Variants in GALNTL6 observed in about 807,000 individuals in gnomAD.
GALNTL6 encodes the protein polypeptide N-acetylgalactosaminyltransferase-like 6.
A neutral mutation model predicts 73.7 loss-of-function variants in GALNTL6; 46 were observed. The ratio of observed to expected loss-of-function variants is 0.62; its 90% CI spans 0.49 to 0.80. GALNTL6 has a LOEUF of 0.80. Among genes scored for constraint, GALNTL6 ranks in the 30% least tolerant of loss-of-function variants. The pLI is 0.00. For missense variants in GALNTL6, 604 were observed against 755.0 expected (o/e 0.80, Z 2.34); for synonymous variants, 259 against 263.7 (o/e 0.98, Z 0.17).
intron 3 of GALNTL6, among the ~76,000 whole-genome samples, chr4:172,253,299 A>G (rs1299098351): frequency 6.6e-6 from 1 of 151,976 alleles, no homozygotes. Flanking sequence ...TAAGCCTAAA[A>G]AGATGACTGG....
chr4:172,893,142 C>T (rs1218584505), intron 8 of GALNTL6, among the ~76,000 whole-genome samples: 1 of 152,192 alleles, frequency 6.6e-6, no homozygotes, highest in Non-Finnish European at 1.5e-5. Context: ...GTGGGCCTGA[C>T]CAGCTAGGCT....
intron 2 of GALNTL6, among the ~76,000 whole-genome samples, chr4:172,215,187 C>G (rs182673658): frequency 1.3e-5 from 2 of 151,938 alleles, no homozygotes; most frequent in East Asian, 3.9e-4. Context: ...GATGTAGTTA[C>G]TTTGGTGAAT....
At chr4:172,325,396 T>G (rs1740906610) in intron 4 of GALNTL6, among the ~76,000 whole-genome samples, 2 of 151,990 alleles carry the variant, frequency 1.3e-5, no homozygotes, top group Non-Finnish European at 2.9e-5. Flanking sequence ...GCTTCTCTCA[T>G]TCTCATTGAA....
chr4:172,433,700 A>AT (rs1554023654), intron 5 of GALNTL6, among the ~76,000 whole-genome samples: 1,485 of 145,810 alleles, frequency 0.01, 23 homozygotes, highest in African/African-American at 0.033. Context: ...TTGCCCAGTG[A>AT]TTTTTTTTTT....
At chr4:172,495,076 A>C (rs939016740) in intron 5 of GALNTL6, among the ~76,000 whole-genome samples, 2 of 152,174 alleles carry the variant, frequency 1.3e-5, no homozygotes, top group Non-Finnish European at 2.9e-5. Flanking sequence ...GAATTCAGGA[A>C]TCCTAGGAAA....
chr4:172,369,719 A>C (rs1203381254), intron 5 of GALNTL6, among the ~76,000 whole-genome samples: 2 of 152,160 alleles, frequency 1.3e-5, no homozygotes, highest in African/African-American at 4.8e-5. Context: ...CCAGGTGCTA[A>C]GCCCCTCACT....
intron 5 of GALNTL6, among the ~76,000 whole-genome samples, chr4:172,675,138 G>GTT (rs145012472): frequency 1.5e-4 from 23 of 149,750 alleles, no homozygotes; most frequent in Non-Finnish European, 2.2e-4. Flanking sequence ...CTGATCTTTA[G>GTT]TTTTTTTTTT....
chr4:172,168,282 T>G (rs1388612347), intron 2 of GALNTL6, among the ~76,000 whole-genome samples: 1 of 152,128 alleles, frequency 6.6e-6, no homozygotes, highest in African/African-American at 2.4e-5. Context: ...TTGTTTTGTT[T>G]TGTTTTGTTT....
chr4:172,985,482 A>G (rs373192728), intron 10 of GALNTL6, among the ~76,000 whole-genome samples: 41 of 152,224 alleles, frequency 2.7e-4, no homozygotes, highest in African/African-American at 8.2e-4. Flanking sequence ...CATCTTGCCT[A>G]TTGCCTAAAC....
At chr4:172,540,161 C>A (rs28578805) in intron 5 of GALNTL6, among the ~76,000 whole-genome samples, 6,321 of 151,528 alleles carry the variant, frequency 0.042, 416 homozygotes, top group African/African-American at 0.14. Flanking sequence ...AGTGATTCCC[C>A]TGCCTCAGCC....
chr4:172,972,330 G>C (rs1750619648), intron 10 of GALNTL6, among the ~76,000 whole-genome samples: 2 of 152,042 alleles, frequency 1.3e-5, no homozygotes, highest in Non-Finnish European at 2.9e-5. Flanking sequence ...AAGCATTTTT[G>C]GAATTTACTT....
At chr4:172,773,212 G>A (rs1477780619) in intron 5 of GALNTL6, among the ~76,000 whole-genome samples, 6 of 152,094 alleles carry the variant, frequency 3.9e-5, no homozygotes, top group Non-Finnish European at 5.9e-5. Context: ...AGTACTATTA[G>A]TTTAGAGATG....
chr4:172,344,446 C>G (rs897549773), intron 4 of GALNTL6, among the ~76,000 whole-genome samples: 2 of 152,120 alleles, frequency 1.3e-5, no homozygotes, highest in East Asian at 3.9e-4. Flanking sequence ...AGCTGGCTTT[C>G]CTTAGAGTGA....
intron 2 of GALNTL6, among the ~76,000 whole-genome samples, chr4:171,986,278 G>T (rs918436964): frequency 3.3e-5 from 5 of 151,850 alleles, no homozygotes; most frequent in Non-Finnish European, 7.4e-5. Context: ...AGTCAAAGGG[G>T]GGGTGTTCTC....
Position 172,886,096 on chromosome 4 carries a change from T to C in GALNTL6, c.1041+3189T>C, listed in dbSNP as rs538032863. On this transcript the variant is annotated intron_variant, in intron 8 of 12. Coordinates refer to ENST00000506823, the MANE Select transcript of GALNTL6 (RefSeq NM_001034845.3). ...AAGAATTCCCTCCTCTTCAATTTTT[T>C]GAAATAGTTTCAGTAGAATTGGTAT... Among the ~76,000 whole-genome samples the C allele has an allele frequency of 2.6e-5, 4 of 152,330 alleles. No individual in the cohort carries two copies. The South Asian group carries it at 8.3e-4, about 32-fold the overall frequency.
intron 10 of GALNTL6, among the ~76,000 whole-genome samples, chr4:172,959,023 A>G (rs1436163301): frequency 3.9e-5 from 6 of 152,138 alleles, no homozygotes; most frequent in Admixed American, 6.5e-5. Context: ...GGGGAATTGT[A>G]TGGAGAGTTT....
Position 172,277,873 on chromosome 4 carries a change from A to G in GALNTL6, c.248-33741A>G, listed in dbSNP as rs117876490. 4.5e-4 allele frequency among the ~76,000 whole-genome samples: 68 copies of G among 152,324 alleles called. 2 individuals carry two copies. In the East Asian group the frequency reaches 0.013, roughly 28 times the overall value. The stretch of plus-strand genomic sequence containing the variant: ...CATTCTAGAAATGCAAATCCAGAAT[A>G]TGTTAAGCTTTTCTAATTGTAAATG... On this transcript the variant is annotated intron_variant, in intron 3 of 12. Transcript: ENST00000506823.
At chr4:172,840,862 T>G (rs757412664) in intron 7 of GALNTL6, among the ~76,000 whole-genome samples, 89 of 152,344 alleles carry the variant, frequency 5.8e-4, no homozygotes, top group Non-Finnish European at 9.6e-4. Context: ...CTTCAGGGAC[T>G]GGCTCAACAC....
At chr4:172,993,298 G>T (rs1237806847) in intron 10 of GALNTL6, among the ~76,000 whole-genome samples, 1 of 152,218 alleles carries the variant, frequency 6.6e-6, no homozygotes, top group African/African-American at 2.4e-5. Flanking sequence ...GTGGCCATCT[G>T]CAAGCCTAGG....
Sources: gnomAD v4.1 joint callset for allele counts (sites outside exome capture counted in the v4.1 genomes callset) on GRCh38, gnomAD v4.1.1 for gene constraint, MANE v1.5 for transcripts, NCBI Gene and HGNC (gene_info 2026-07-23, HGNC 2026-07-21) for gene names.